KANK1: variants seen among roughly 807,000 people sequenced by gnomAD.
KANK1 encodes KN motif and ankyrin repeat domain-containing protein 1.
Under a neutral mutation model 106.2 loss-of-function variants are expected in KANK1, and 109 were observed. That is an observed-to-expected ratio of 1.03 (90% CI 0.88 to 1.20). The LOEUF (loss-of-function observed/expected upper bound fraction) is 1.20, where lower values mean the gene tolerates loss of function less well. KANK1 is among the 50% of genes most tolerant of loss of function. KANK1 has a pLI of 0.00. For synonymous variants in KANK1, 873 were observed against 652.2 expected, an observed-to-expected ratio of 1.34 and a Z score of -5.16; for missense variants, 2,399 against 1,710.7, an observed-to-expected ratio of 1.40 and a Z score of -7.10.
chr9:552,667 T>G (rs536356109), intron 1 of KANK1, among the ~76,000 whole-genome samples: 1 of 152,248 alleles, frequency 6.6e-6, no homozygotes, highest in Non-Finnish European at 1.5e-5. Context: ...AATCACATTC[T>G]TGACTAATCT....
intron 1 of KANK1, among the ~76,000 whole-genome samples, chr9:612,705 A>C (rs1054650757): frequency 6.6e-6 from 1 of 152,210 alleles, no homozygotes; most frequent in Non-Finnish European, 1.5e-5. Context: ...CTGCTTAGAA[A>C]TTTAAGCCGG....
At chr9:548,148 T>C (rs2061046239) in intron 1 of KANK1, among the ~76,000 whole-genome samples, 1 of 152,230 alleles carries the variant, frequency 6.6e-6, no homozygotes, top group Non-Finnish European at 1.5e-5. Context: ...TTAGGATTTC[T>C]AGAGAAAATA....
chr9:671,232 T>G (rs962417096), intron 1 of KANK1, among the ~76,000 whole-genome samples: 12 of 152,096 alleles, frequency 7.9e-5, no homozygotes, highest in South Asian at 4.1e-4. Flanking sequence ...GGAGTTTTTT[T>G]TTTGTTTGTT....
intron 9 of KANK1, among the ~76,000 whole-genome samples, chr9:741,831 C>G (rs995879447): frequency 3.2e-4 from 48 of 151,698 alleles, no homozygotes; most frequent in African/African-American, 1.1e-3. Context: ...GTTGCCCAAG[C>G]TGCTCTTGAA....
At chr9:534,055 T>C (rs533589906) in intron 1 of KANK1, among the ~76,000 whole-genome samples, 1 of 152,168 alleles carries the variant, frequency 6.6e-6, no homozygotes, top group Non-Finnish European at 1.5e-5. Context: ...GCTTGCAGAT[T>C]GGGAGAAAGG....
intron 2 of KANK1, chr9:693,717 G>T (rs1402493632): frequency 1.0e-6 from 1 of 985,208 alleles, no homozygotes; most frequent in African/African-American, 1.7e-5. Context: ...TCCCTTTAAT[G>T]CTGAGGGAAG....
At position 602,910 on chromosome 9, in the gene KANK1, C is replaced by T. The variant is rs963890307; in HGVS notation, c.-83-73980C>T. The stretch of plus-strand genomic sequence containing the variant: ...CATCTCAACTCTTGAAGAGCTATTT[C>T]TGTGAAAACCAAACATGCAGTCAAG... On this transcript the variant is annotated intron_variant, in intron 1 of 11. Coordinates refer to ENST00000382297, the MANE Select transcript of KANK1 (RefSeq NM_015158.5). Among the ~76,000 whole-genome samples the T allele has an allele frequency of 2.6e-5, 4 of 151,848 alleles. 1 individual carries two copies. Among genetic ancestry groups the T allele is most frequent in the African/African-American group, 9.7e-5 (4 of 41,114 alleles).
chr9:530,473 T>A (rs1441006499), intron 1 of KANK1, among the ~76,000 whole-genome samples: 2 of 152,214 alleles, frequency 1.3e-5, no homozygotes, highest in Non-Finnish European at 2.9e-5. Context: ...AATAGTCCAT[T>A]TTCCCTCTGA....
chr9:633,189 G>A (rs1836197463), intron 1 of KANK1, among the ~76,000 whole-genome samples: 1 of 152,134 alleles, frequency 6.6e-6, no homozygotes, highest in Non-Finnish European at 1.5e-5. Flanking sequence ...CGGGCGCAGT[G>A]GCTCACGCCT....
intron 1 of KANK1, among the ~76,000 whole-genome samples, chr9:667,280 T>C (rs1844854993): frequency 6.6e-6 from 1 of 152,118 alleles, no homozygotes; most frequent in African/African-American, 2.4e-5. Context: ...TTTTGTATCT[T>C]TTTTGTTTCT....
chr9:608,054 G>A (rs191317782), intron 1 of KANK1, among the ~76,000 whole-genome samples: 4,066 of 83,274 alleles, frequency 0.049, 299 homozygotes, highest in African/African-American at 0.18. Flanking sequence ...TTTTTGAGAC[G>A]GAGTCTCGCT....
chr9:683,683 T>C (rs1818003912), intron 2 of KANK1, among the ~76,000 whole-genome samples: 1 of 152,224 alleles, frequency 6.6e-6, no homozygotes, highest in Admixed American at 6.5e-5. Context: ...AAATAAAACG[T>C]CCTCCCTGAT....
At chr9:632,090 G>A (rs1835879090) in intron 1 of KANK1, among the ~76,000 whole-genome samples, 1 of 152,128 alleles carries the variant, frequency 6.6e-6, no homozygotes. Flanking sequence ...CTTAATAAAG[G>A]CAATGAAAAG....
chr9:647,789 T>A (rs1269546874), intron 1 of KANK1, among the ~76,000 whole-genome samples: 1 of 150,614 alleles, frequency 6.6e-6, no homozygotes, highest in Non-Finnish European at 1.5e-5. Flanking sequence ...CACACTTATA[T>A]ATAGCAGAGA....
chr9:583,646 T>C (rs770858068), intron 1 of KANK1, among the ~76,000 whole-genome samples: 2 of 151,248 alleles, frequency 1.3e-5, no homozygotes, highest in Non-Finnish European at 3.0e-5. Flanking sequence ...ATATACTGTT[T>C]TCTCTCCATT....
At chr9:658,435 A>C (rs34137626) in intron 1 of KANK1, among the ~76,000 whole-genome samples, 137 of 151,894 alleles carry the variant, frequency 9.0e-4, no homozygotes, top group Non-Finnish European at 1.5e-3. Context: ...AAATATATGG[A>C]GCTCTTTCTG....
intron 3 of KANK1, among the ~76,000 whole-genome samples, chr9:493,330 T>C (rs114564052): frequency 1.5e-3 from 227 of 152,238 alleles, no homozygotes; most frequent in African/African-American, 5.2e-3. Context: ...ACCATGTGAG[T>C]TGCTGAGCCT....
At chr9:570,835 A>G (rs1049269065) in intron 1 of KANK1, among the ~76,000 whole-genome samples, 2 of 152,212 alleles carry the variant, frequency 1.3e-5, no homozygotes, top group Non-Finnish European at 2.9e-5. Flanking sequence ...CTTTCTAAAC[A>G]TGCTTAATCT....
chr9:560,416 C>G (rs1348467905), intron 1 of KANK1, among the ~76,000 whole-genome samples: 1 of 152,050 alleles, frequency 6.6e-6, no homozygotes, highest in Non-Finnish European at 1.5e-5. Flanking sequence ...CATCAGGGAA[C>G]TATTAAGGAA....
Sources: gnomAD v4.1 joint callset for allele counts (sites outside exome capture counted in the v4.1 genomes callset) on GRCh38, gnomAD v4.1.1 for gene constraint, MANE v1.5 for transcripts, NCBI Gene and HGNC (gene_info 2026-07-23, HGNC 2026-07-21) for gene names.